CENPI: variants seen among roughly 807,000 people sequenced by gnomAD.
CENPI encodes centromere protein I.
In CENPI, 4 loss-of-function variants were observed where a neutral mutation model predicts 60.4. The ratio of observed to expected loss-of-function variants is 0.07; its 90% CI spans 0.03 to 0.15. CENPI has a LOEUF of 0.15. CENPI is among the 10% of genes least tolerant of loss of function. CENPI has a pLI of 1.00. For missense variants in CENPI, 444 were observed against 534.5 expected (o/e 0.83, Z 1.67); for synonymous variants, 157 against 189.4 (o/e 0.83, Z 1.40).
chrX:101,103,948 A>G (rs2089453293), intron 4 of CENPI, among the ~76,000 whole-genome samples: 1 of 111,126 alleles, frequency 9.0e-6, no homozygotes, highest in Non-Finnish European at 1.9e-5. Flanking sequence ...CACTTAGTCT[A>G]CTTCATTACC....
At position 101,148,031 on chromosome X, in the gene CENPI, A is replaced by C; in HGVS notation, c.1964A>C (p.Lys655Thr). ...ATGGTTGGTTGCCTGTGGACGTCCAAACCCTTTGGGAAAGGAATATATATT... is the reference window on the plus strand; with the variant it reads ...ATGGTTGGTTGCCTGTGGACGTCCACACCCTTTGGGAAAGGAATATATATT... ...TSMVGCLWTS[K>T]PFGKGIYIDP... Residue 655 changes from lysine (K) to threonine (T), a missense_variant, in exon 20 of 22, where the codon AAA becomes ACA. Physicochemically the swap from Lys to Thr is moderately conservative, Grantham distance 78. Transcript: ENST00000682095. 8.4e-7 allele frequency: 1 copy of C among 1,190,652 alleles called. No homozygotes were observed. The highest frequency in any genetic ancestry group is 3.0e-5 in the East Asian group (1 of 33,728).
intron 20 of CENPI, among the ~76,000 whole-genome samples, chrX:101,150,191 ATAATAT>A (rs1175141724): frequency 1.9e-5 from 2 of 106,443 alleles, no homozygotes; most frequent in African/African-American, 6.9e-5. Flanking sequence ...TGTCAAATTA[ATAATAT>A]TAATGTTACT....
chrX:101,127,572 G>A lies in CENPI; in HGVS notation c.981G>A (p.Met327Ile). Reference sequence around the variant, plus strand: ...CTAAAGAATGTGGAAAAAAAGAGATGAGTCTTTCTGATTGTCTGAATAGAA... The same window carrying A: ...CTAAAGAATGTGGAAAAAAAGAGATAAGTCTTTCTGATTGTCTGAATAGAA... ...SYTKECGKKE[M>I]SLSDCLNRSG... Residue 327 changes from methionine to isoleucine, a missense_variant, in exon 11 of 22, where the codon ATG becomes ATA. Transcript: ENST00000682095. 1 of 1,196,156 alleles carries A rather than the reference G, an allele frequency of 8.4e-7. No homozygotes were observed. Among genetic ancestry groups the A allele is most frequent in the East Asian group, 3.0e-5 (1 of 33,686 alleles).
intron 6 of CENPI, among the ~76,000 whole-genome samples, chrX:101,116,297 G>T (rs757965899): frequency 9.2e-6 from 1 of 109,173 alleles, no homozygotes; most frequent in Non-Finnish European, 1.9e-5. Context: ...TGAGATTTTT[G>T]GGGGGTTTTT....
Position 101,120,741 on chromosome X carries a change from A to G in CENPI, c.644A>G (p.Lys215Arg). 1 of 1,208,998 alleles carries G rather than the reference A, an allele frequency of 8.3e-7. No homozygotes were observed. Among genetic ancestry groups the G allele is most frequent in the Non-Finnish European group, 1.1e-6 (1 of 893,380 alleles). Reference sequence around the variant, plus strand: ...GTCTTTCCTTTATGTTTTCTAGTCAAACCATTTCGTGTGAGAAAACTGCTT... The same window carrying G: ...GTCTTTCCTTTATGTTTTCTAGTCAGACCATTTCGTGTGAGAAAACTGCTT... ...LYLLTKKENV[K>R]PFRVRKLLDL... The change falls in exon 8 of 22, where the codon AAA becomes AGA. Residue 215 changes from lysine to arginine, a missense_variant. Coordinates refer to ENST00000682095, the MANE Select transcript of CENPI (RefSeq NM_001386188.2).
In CENPI at chrX:101,142,728, G is replaced by C. The variant is rs947529460; in HGVS notation, c.1565+1968G>C. On this transcript the variant is annotated intron_variant, in intron 16 of 21. Transcript: ENST00000682095. The stretch of plus-strand genomic sequence containing the variant: ...GTGGAGAAACACTTCAAAAGAGGCT[G>C]TTCTGAGCAATCGTCTTTGTTTCAA... Among the ~76,000 whole-genome samples the C allele has an allele frequency of 2.7e-5, 3 of 111,432 alleles. No homozygotes were observed. The Admixed American group carries it at 2.9e-4, about 11-fold the overall frequency.
At chrX:101,137,525 G>C (rs2089859553) in intron 15 of CENPI, among the ~76,000 whole-genome samples, 1 of 111,722 alleles carries the variant, frequency 9.0e-6, no homozygotes, top group African/African-American at 3.2e-5. Context: ...TCAAAGGTAT[G>C]AAGGCCTGGT....
chrX:101,157,657 A>C (rs78912655), intron 20 of CENPI, among the ~76,000 whole-genome samples: 2 of 107,850 alleles, frequency 1.9e-5, no homozygotes, highest in Non-Finnish European at 3.8e-5. Flanking sequence ...CTCAAAAAAA[A>C]AAAAAAAAAA....
chrX:101,176,721 A>G, the CENPI span, among the ~76,000 whole-genome samples: 3 of 112,772 alleles, frequency 2.7e-5, no homozygotes, highest in Non-Finnish European at 5.6e-5. Context: ...CAGTTCAACG[A>G]TGCCTCTACT....
intron 15 of CENPI, among the ~76,000 whole-genome samples, chrX:101,133,654 T>G (rs1208289305): frequency 1.8e-5 from 2 of 110,678 alleles, no homozygotes; most frequent in African/African-American, 3.3e-5. Context: ...TAAAGGAATC[T>G]TAAGAAATTG....
At chrX:101,155,685 T>C (rs1439582815) in intron 20 of CENPI, among the ~76,000 whole-genome samples, 2 of 112,299 alleles carry the variant, frequency 1.8e-5, no homozygotes, top group Middle Eastern at 4.6e-3. Flanking sequence ...TTTTACACAT[T>C]ACTGGGTACT....
chrX:101,131,313 AG>A (rs2089793874), intron 13 of CENPI, among the ~76,000 whole-genome samples: 1 of 111,669 alleles, frequency 9.0e-6, no homozygotes, highest in African/African-American at 3.3e-5. Flanking sequence ...ACCCAGCCCA[AG>A]TTTTAGGGAT....
At chrX:101,118,915 G>A (rs1035754313) in intron 6 of CENPI, among the ~76,000 whole-genome samples, 18 of 111,509 alleles carry the variant, frequency 1.6e-4, no homozygotes, top group East Asian at 5.7e-4. Flanking sequence ...GTGTGGTGGC[G>A]CACACCTGTA....
intron 15 of CENPI, among the ~76,000 whole-genome samples, chrX:101,133,112 C>T (rs1458926394): frequency 9.1e-6 from 1 of 110,046 alleles, no homozygotes; most frequent in Non-Finnish European, 1.9e-5. Context: ...AAATCACTTA[C>T]TGTTGGCCAC....
intron 7 of CENPI, 138 bp downstream of exon 7, chrX:101,120,588 G>A: frequency 1.6e-6 from 1 of 616,337 alleles, no homozygotes; most frequent in Non-Finnish European, 2.6e-6. Flanking sequence ...TACTTTAAGA[G>A]CATCTGCTTA....
chrX:101,158,557 A>G (rs766564185), intron 20 of CENPI, among the ~76,000 whole-genome samples: 3 of 109,826 alleles, frequency 2.7e-5, no homozygotes, highest in Non-Finnish European at 3.8e-5. Context: ...GATTACAGGC[A>G]TGAGCTACTG....
chrX:101,120,205 A>G (rs1268740890), intron 6 of CENPI, among the ~76,000 whole-genome samples, 197 bp from the exon 7 acceptor site: 1 of 111,837 alleles, frequency 8.9e-6, no homozygotes, highest in Non-Finnish European at 1.9e-5. Flanking sequence ...AAAATGACCT[A>G]ATGAAATGCT....
the CENPI span, among the ~76,000 whole-genome samples, chrX:101,174,034 C>A: frequency 8.9e-6 from 1 of 111,988 alleles, no homozygotes; most frequent in African/African-American, 3.2e-5. Flanking sequence ...CAGATCAAAA[C>A]CACAATGAGA....
chrX:101,118,042 A>T (rs915914279), intron 6 of CENPI, among the ~76,000 whole-genome samples: 2 of 111,781 alleles, frequency 1.8e-5, no homozygotes, highest in Admixed American at 1.9e-4. Flanking sequence ...CTGTAAGACC[A>T]CGGTGATTTG....
Sources: gnomAD v4.1 joint callset for allele counts (sites outside exome capture counted in the v4.1 genomes callset) on GRCh38, gnomAD v4.1.1 for gene constraint, MANE v1.5 for transcripts, NCBI Gene and HGNC (gene_info 2026-07-23, HGNC 2026-07-21) for gene names.